SOCS6: variants seen among roughly 807,000 people sequenced by gnomAD.
SOCS6 encodes STAT induced STAT inhibitor-4.
In SOCS6, 5 loss-of-function variants were observed where a neutral mutation model predicts 27.7. That is an observed-to-expected ratio of 0.18 (90% CI 0.09 to 0.38). The LOEUF is 0.38. Ranked by LOEUF, SOCS6 falls within the 10% of genes least tolerant of loss-of-function variation. The pLI is 1.00. For synonymous variants in SOCS6, 271 were observed against 260.0 expected, an observed-to-expected ratio of 1.04 and a Z score of -0.41; for missense variants, 595 against 688.1, an observed-to-expected ratio of 0.86 and a Z score of 1.51.
intron 1 of SOCS6, among the ~76,000 whole-genome samples, chr18:70,293,052 C>T (rs185158285): frequency 1.3e-5 from 2 of 152,230 alleles, no homozygotes; most frequent in Admixed American, 6.5e-5. Flanking sequence ...CCGCCACCCC[C>T]CCCAAATAAG....
chr18:70,315,857 T>A (rs1372668084), intron 1 of SOCS6, among the ~76,000 whole-genome samples: 1 of 152,040 alleles, frequency 6.6e-6, no homozygotes, highest in Non-Finnish European at 1.5e-5. Flanking sequence ...TTTTGATATG[T>A]TTTTTTGTTT....
intron 1 of SOCS6, among the ~76,000 whole-genome samples, chr18:70,300,012 C>T (rs1006736216): frequency 1.3e-5 from 2 of 152,036 alleles, no homozygotes; most frequent in Non-Finnish European, 2.9e-5. Flanking sequence ...GAGGGATGAC[C>T]GTATACGTAT....
At chr18:70,317,493 C>T (rs28834774) in intron 1 of SOCS6, among the ~76,000 whole-genome samples, 2 of 130,346 alleles carry the variant, frequency 1.5e-5, no homozygotes, top group African/African-American at 6.9e-5. Context: ...TACATATATA[C>T]ACATATATAC....
intron 1 of SOCS6, among the ~76,000 whole-genome samples, chr18:70,323,520 A>G (rs1471973037): frequency 6.6e-6 from 1 of 152,206 alleles, no homozygotes; most frequent in Non-Finnish European, 1.5e-5. Flanking sequence ...AATTCTGGAA[A>G]TATGTTTCAT....
chr18:70,326,452 T>C lies in SOCS6; in HGVS notation c.*176T>C. ...AAGTGTCAGCAAGGTGTCTTGGGTTTATTTTGGTTCTTTAAAAAAGGGAAG... is the reference window on the plus strand; with the variant it reads ...AAGTGTCAGCAAGGTGTCTTGGGTTCATTTTGGTTCTTTAAAAAAGGGAAG... On this transcript the variant is annotated 3_prime_UTR_variant, in exon 2 of 2. Transcript: ENST00000397942. 1.6e-6 allele frequency: 1 copy of C among 608,816 alleles called. No individual in the cohort carries two copies. The allele number at this position is 608,816 out of a possible 1,614,324, so 37.7% of individuals were successfully genotyped here.
chr18:70,326,032 TTGA>T lies in SOCS6; in HGVS notation c.1366_1368del (p.Asp456del). On this transcript the variant is annotated inframe_deletion, in exon 2 of 2. Transcript: ENST00000397942. ...GATGTGGAAGGACATACGTCCATAG[TTGA>T]TCTAATTGAGCATTCAATCAGGGAC... 6.2e-7 allele frequency: 1 copy of T among 1,614,246 alleles called. No individual in the cohort carries two copies. The highest frequency in any genetic ancestry group is 1.3e-5 in the African/African-American group (1 of 75,078).
chr18:70,308,263 T>C (rs182266249), intron 1 of SOCS6, among the ~76,000 whole-genome samples: 1 of 152,332 alleles, frequency 6.6e-6, no homozygotes, highest in East Asian at 1.9e-4. Flanking sequence ...TCACCCAGAC[T>C]GGAGTGCAGT....
At chr18:70,290,854 G>C (rs41440145) in intron 1 of SOCS6, among the ~76,000 whole-genome samples, 31,748 of 151,938 alleles carry the variant, frequency 0.21, 3,389 homozygotes, top group Middle Eastern at 0.35. Flanking sequence ...TGGTAGTCTT[G>C]CCCCTTTCTC....
intron 1 of SOCS6, among the ~76,000 whole-genome samples, chr18:70,293,195 C>T (rs1385550811): frequency 6.6e-6 from 1 of 152,142 alleles, no homozygotes; most frequent in African/African-American, 2.4e-5. Flanking sequence ...GTTATCTACA[C>T]CTTAAAGGCA....
intron 1 of SOCS6, among the ~76,000 whole-genome samples, chr18:70,308,616 T>G (rs1283178633): frequency 1.3e-5 from 2 of 152,228 alleles, no homozygotes; most frequent in Admixed American, 1.3e-4. Context: ...TTATATACCT[T>G]GCTATTTCAT....
intron 1 of SOCS6, among the ~76,000 whole-genome samples, chr18:70,292,646 C>T (rs2146257480): frequency 6.6e-6 from 1 of 152,312 alleles, no homozygotes; most frequent in Non-Finnish European, 1.5e-5. Context: ...CTGTGCCCAG[C>T]CAAAAATCCA....
rs1911167313 is a variant in SOCS6 at position 70,325,467 on chromosome 18, A to G, written c.799A>G (p.Ser267Gly). The change falls in exon 2 of 2, where the codon AGT becomes GGT. Residue 267 changes from serine to glycine, a missense_variant. Physicochemically the swap from Ser to Gly is moderately conservative, Grantham distance 56. Coordinates refer to ENST00000397942, the MANE Select transcript of SOCS6 (RefSeq NM_004232.4). The surrounding 1 kb of genome is among the most constrained non-coding windows in gnomAD (Gnocchi z 6.3). ...AGGGCGCGCTTTCCCCGAGGATGAG[A>G]GTCAGGTAGACCAGGACCTAGTTGT... Reference protein sequence around the residue: ...VGGRAFPEDESQVDQDLVVAP... With the variant: ...VGGRAFPEDEGQVDQDLVVAP... 6.2e-7 allele frequency: 1 copy of G among 1,614,030 alleles called. No individual in the cohort carries two copies. The highest frequency in any genetic ancestry group is 1.3e-5 in the African/African-American group (1 of 74,904).
intron 1 of SOCS6, among the ~76,000 whole-genome samples, chr18:70,291,602 C>T (rs529096405): frequency 7.2e-5 from 11 of 152,258 alleles, no homozygotes; most frequent in Admixed American, 4.6e-4. Flanking sequence ...TTTGATGGAG[C>T]AAAAACGATA....
chr18:70,317,144 C>T (rs2062414654), intron 1 of SOCS6, among the ~76,000 whole-genome samples: 2 of 152,074 alleles, frequency 1.3e-5, no homozygotes, highest in Non-Finnish European at 2.9e-5. Context: ...GATTTGGGTT[C>T]AGCCATCACC....
At position 70,302,958 on chromosome 18, in the gene SOCS6, G is replaced by C. The variant is rs139991016; in HGVS notation, c.-127+13868G>C. ...TGGTATAACTGAAAGCCAAGAAAAG[G>C]CCCTGCATTTTTAATGGATTTACTC... On this transcript the variant is annotated intron_variant, in intron 1 of 1. Transcript: ENST00000397942. Among the ~76,000 whole-genome samples the C allele has an allele frequency of 2.6e-3, 401 of 151,922 alleles. 3 individuals carry two copies. Among genetic ancestry groups the C allele is most frequent in the African/African-American group, 9.4e-3 (389 of 41,460 alleles).
chr18:70,312,589 G>C (rs2062394918), intron 1 of SOCS6, among the ~76,000 whole-genome samples: 1 of 151,938 alleles, frequency 6.6e-6, no homozygotes, highest in Non-Finnish European at 1.5e-5. Context: ...CAGATGAAGA[G>C]GTTATCTTGT....
intron 1 of SOCS6, among the ~76,000 whole-genome samples, chr18:70,324,242 C>G (rs1911098753): frequency 6.6e-6 from 1 of 151,700 alleles, no homozygotes; most frequent in Admixed American, 6.6e-5. Flanking sequence ...GCAGAGCTTG[C>G]AGTGAGCCGA....
chr18:70,289,991 G>T (rs1043815457), intron 1 of SOCS6, among the ~76,000 whole-genome samples: 1 of 152,186 alleles, frequency 6.6e-6, no homozygotes, highest in African/African-American at 2.4e-5. Flanking sequence ...ATGTGAAATT[G>T]GGGTTCCCAT....
intron 1 of SOCS6, among the ~76,000 whole-genome samples, chr18:70,311,323 C>G (rs906112677): frequency 2.0e-5 from 3 of 152,176 alleles, no homozygotes; most frequent in Non-Finnish European, 4.4e-5. Flanking sequence ...GAGGCTGATA[C>G]TTTGCTTCAT....
Sources: gnomAD v4.1 joint callset for allele counts (sites outside exome capture counted in the v4.1 genomes callset) on GRCh38, gnomAD v4.1.1 for gene constraint, Gnocchi (gnomAD v3.1) non-coding constraint, MANE v1.5 for transcripts, NCBI Gene and HGNC (gene_info 2026-07-23, HGNC 2026-07-21) for gene names.